Variants in ATRIP observed in about 807,000 individuals in gnomAD.
The protein encoded by ATRIP is ATR interacting protein, also known as ATR-interacting protein.
ATRIP carries 44 observed loss-of-function variants against 78.1 expected under a neutral mutation model. The ratio of observed to expected loss-of-function variants is 0.56; its 90% CI spans 0.44 to 0.72. The LOEUF is 0.72. Among genes scored for constraint, ATRIP ranks in the 30% least tolerant of loss-of-function variants. The probability of loss-of-function intolerance (pLI) is 0.00; values close to 1 mark genes in which losing one functional copy is unlikely to be tolerated. For missense variants in ATRIP, 927 were observed against 980.2 expected (o/e 0.95, Z 0.72); for synonymous variants, 388 against 408.9 (o/e 0.95, Z 0.62).
At position 48,464,014 on chromosome 3, in the gene ATRIP, G is replaced by C. The variant is rs2040194650; in HGVS notation, c.1883-27G>C. On this transcript the variant is annotated intron_variant, in intron 9 of 12. Transcript: ENST00000320211. ...CGCTCTTTATGAGAAAGGGCACCCTGAGTGAGAGGTGCGCTGTCCTTTTCA... is the reference window on the plus strand; with the variant it reads ...CGCTCTTTATGAGAAAGGGCACCCTCAGTGAGAGGTGCGCTGTCCTTTTCA... 1.9e-6 allele frequency: 3 copies of C among 1,607,980 alleles called. No homozygotes were observed. The South Asian group carries it at 3.3e-5, about 18-fold the overall frequency.
Position 48,447,039 on chromosome 3 carries a change from C to T in ATRIP, c.194C>T (p.Thr65Ile), listed in dbSNP as rs757223539. 1.9e-6 allele frequency: 3 copies of T among 1,567,138 alleles called. No homozygotes were observed. The highest frequency in any genetic ancestry group is 1.7e-6 in the Non-Finnish European group (2 of 1,158,942). ...GCCGACGACCTGGAGGAGCTTGACA[C>T]CCTCGCGTCACAGGCCCTGAGCCAA... ...FTADDLEELD[T>I]LASQALSQCP... The change falls in exon 1 of 13, where the codon ACC becomes ATC. Residue 65 changes from threonine to isoleucine, a missense_variant. Physicochemically the swap from Thr to Ile is moderately conservative, Grantham distance 89. Transcript: ENST00000320211.
At chr3:48,453,875 G>A (rs2039891833) in intron 3 of ATRIP, among the ~76,000 whole-genome samples, 1 of 152,052 alleles carries the variant, frequency 6.6e-6, no homozygotes, top group African/African-American at 2.4e-5. Context: ...AATAAGTTAG[G>A]ATTCAAAGAC....
At position 48,446,979 on chromosome 3, in the gene ATRIP, C is replaced by T. The variant is rs2039692511; in HGVS notation, c.134C>T (p.Pro45Leu). The T allele has an allele frequency of 1.3e-6, 2 of 1,573,518 alleles. No homozygotes were observed. Among genetic ancestry groups the T allele is most frequent in the Non-Finnish European group, 1.7e-6 (2 of 1,163,274 alleles). The change falls in exon 1 of 13, where the codon CCT becomes CTT. Residue 45 changes from proline to leucine, a missense_variant. Transcript: ENST00000320211. ...TTCTCCGCAGCCGCTGCCCCGGACC[C>T]TGACGACCCGTTCGGCGCGCATGGG... ...RGFSAAAAPD[P>L]DDPFGAHGDF...
At position 48,465,062 on chromosome 3, in the gene ATRIP, C is replaced by G; in HGVS notation, c.2287C>G (p.Pro763Ala). 1 of 1,611,948 alleles carries G rather than the reference C, an allele frequency of 6.2e-7. No individual in the cohort carries two copies. Among genetic ancestry groups the G allele is most frequent in the South Asian group, 1.1e-5 (1 of 91,030 alleles). Reference protein sequence around the residue: ...PGVSMLIRGLPDVTDCEEAAL... With the variant: ...PGVSMLIRGLADVTDCEEAAL... ...GGTCAGCATGCTCATCCGAGGGCTT[C>G]CTGATGTGACGGACTGTGAAGGTAA... is the stretch of plus-strand genomic sequence containing the variant. Residue 763 changes from proline to alanine, a missense_variant, in exon 12 of 13, where the codon CCT becomes GCT. Physicochemically the swap from Pro to Ala is conservative, Grantham distance 27. Coordinates refer to ENST00000320211, the MANE Select transcript of ATRIP (RefSeq NM_130384.3).
In ATRIP at chr3:48,466,440, G is replaced by GC. The variant is rs1480698351; in HGVS notation, c.*887dup. 1 of 1,612,782 alleles carries GC rather than the reference G, an allele frequency of 6.2e-7. No individual in the cohort carries two copies. The highest frequency in any genetic ancestry group is 8.5e-7 in the Non-Finnish European group (1 of 1,179,660). ...GAGACCCTCTCAGACAGTCGAATGTGCTGGTCCCACTAAGGAAACCACCTC... is the reference window on the plus strand; with the variant it reads ...GAGACCCTCTCAGACAGTCGAATGTGCCTGGTCCCACTAAGGAAACCACCTC... On this transcript the variant is annotated 3_prime_UTR_variant, in exon 13 of 13. Coordinates refer to ENST00000320211, the MANE Select transcript of ATRIP (RefSeq NM_130384.3).
At chr3:48,463,934 G>A (rs2040191719) in intron 9 of ATRIP, 53 bp downstream of exon 9, 2 of 1,607,454 alleles carry the variant, frequency 1.2e-6, no homozygotes, top group Admixed American at 1.7e-5. Context: ...CAAGGGAAGG[G>A]TTGGGGTGGG....
In ATRIP at chr3:48,451,910, G is replaced by A; in HGVS notation, c.552+11G>A. 1 of 1,588,850 alleles carries A rather than the reference G, an allele frequency of 6.3e-7. No individual in the cohort carries two copies. The highest frequency in any genetic ancestry group is 8.6e-7 in the Non-Finnish European group (1 of 1,165,380). Reference sequence around the variant, plus strand: ...GAATTCTCCAAAAAGGTGACCCAGAGCATTTGTTTTGCACCAGCTTTGCCT... The same window carrying A: ...GAATTCTCCAAAAAGGTGACCCAGAACATTTGTTTTGCACCAGCTTTGCCT... On this transcript the variant is annotated intron_variant, in intron 3 of 12. Transcript: ENST00000320211.
In ATRIP at chr3:48,447,077, G is replaced by A; in HGVS notation, c.232G>A (p.Ala78Thr). The A allele has an allele frequency of 6.4e-7, 1 of 1,557,788 alleles. No individual in the cohort carries two copies. Among genetic ancestry groups the A allele is most frequent in the Non-Finnish European group, 8.7e-7 (1 of 1,155,378 alleles). The stretch of plus-strand genomic sequence containing the variant: ...GGCCCTGAGCCAATGTCCGGCCGCG[G>A]CTCGGGACGTGTCCAGTGAGTGCTC... ...SQALSQCPAA[A>T]RDVSSDHKVH... The change falls in exon 1 of 13, where the codon GCT (alanine) becomes ACT (threonine). Residue 78 changes from alanine to threonine, a missense_variant. Transcript: ENST00000320211.
At chr3:48,459,214 A>G in intron 5 of ATRIP, 145 bp from the exon 6 acceptor site, 1 of 615,408 alleles carries the variant, frequency 1.6e-6, no homozygotes, top group Non-Finnish European at 2.9e-6. Flanking sequence ...TAAAAGATGC[A>G]GGGCTCTTGA....
At chr3:48,462,669 C>G (rs527531315) in intron 8 of ATRIP, among the ~76,000 whole-genome samples, 7 of 152,202 alleles carry the variant, frequency 4.6e-5, no homozygotes, top group East Asian at 1.9e-4. Context: ...CGCCACTGCA[C>G]TCCAGCCTGG....
Position 48,446,928 on chromosome 3 carries a change from AC to A in ATRIP, c.89del (p.Pro30ArgfsTer42). ...PRPGPPPGTG[H>X]PPSKRARGFS... is the part of the protein sequence containing the mutation. ...CCCGGCCCGCCGCCGGGCACCGGGC[AC>A]CCCCCGAGCAAGCGGGCCCGGGGCT... is the stretch of plus-strand genomic sequence containing the variant. On this transcript the variant is annotated frameshift_variant, in exon 1 of 13. Transcript: ENST00000320211. LOFTEE classifies it high-confidence loss of function. 5 of 1,428,936 alleles carry A rather than the reference AC, an allele frequency of 3.5e-6. No homozygotes were observed. Among genetic ancestry groups the A allele is most frequent in the Non-Finnish European group, 3.7e-6 (4 of 1,092,540 alleles). 88.5% of individuals were successfully genotyped at this position (1,428,936 alleles called of 1,614,324 possible).
In ATRIP at chr3:48,450,284, G is replaced by C. The variant is rs182238067; in HGVS notation, c.381+114G>C. On this transcript the variant is annotated intron_variant, in intron 2 of 12. Coordinates refer to ENST00000320211, the MANE Select transcript of ATRIP (RefSeq NM_130384.3). ...AACAAGTGTCTAGATTCATCCCTATGACATGGGAAAAGACTAGGGAAAGAA... is the reference window on the plus strand; with the variant it reads ...AACAAGTGTCTAGATTCATCCCTATCACATGGGAAAAGACTAGGGAAAGAA... 4.5e-6 allele frequency: 6 copies of C among 1,326,060 alleles called. No homozygotes were observed. The African/African-American group carries it at 7.4e-5, about 16-fold the overall frequency. The allele number at this position is 1,326,060 out of a possible 1,614,324, so 82.1% of individuals were successfully genotyped here.
chr3:48,466,397 C>A lies in ATRIP; in HGVS notation c.*843C>A, dbSNP rs969566857. 2.0e-5 allele frequency: 32 copies of A among 1,569,164 alleles called. No homozygotes were observed. The highest frequency in any genetic ancestry group is 6.8e-5 in the African/African-American group (5 of 73,818). ...GACTAAGGGGGCACTAGGGGAGGGG[C>A]CGAGTCATGTGAAGAGGGAGACCCT... On this transcript the variant is annotated 3_prime_UTR_variant, in exon 13 of 13. Transcript: ENST00000320211.
intron 4 of ATRIP, among the ~76,000 whole-genome samples, chr3:48,455,116 G>A (rs2039924245): frequency 6.6e-6 from 1 of 152,154 alleles, no homozygotes; most frequent in Admixed American, 6.5e-5. Context: ...GCCAGCCTGG[G>A]CCTCCCAAAC....
Position 48,460,615 on chromosome 3 carries a change from G to A in ATRIP, c.1561G>A (p.Asp521Asn), listed in dbSNP as rs1234529513. ...CCTGGTTCACAGGCTTAGTGATGGA[G>A]ATATGACCTCAGCCCTAAGGGGGGT... The part of the protein sequence containing the change: ...RSLVHRLSDG[D>N]MTSALRGVAD... Residue 521 changes from aspartate to asparagine, a missense_variant, in exon 8 of 13, where the codon GAT (aspartate) becomes AAT (asparagine). Transcript: ENST00000320211. 1.2e-6 allele frequency: 2 copies of A among 1,614,086 alleles called. No individual in the cohort carries two copies. Among genetic ancestry groups the A allele is most frequent in the Non-Finnish European group, 1.7e-6 (2 of 1,180,040 alleles).
In ATRIP at chr3:48,467,069, G is replaced by A. The variant is rs768850552; in HGVS notation, c.*1515G>A. ...ACTTCCCCCTGCTCCAAGCAGAGCT[G>A]GCTATGCTGGGCCTCACCAGTGCTC... On this transcript the variant is annotated 3_prime_UTR_variant, in exon 13 of 13. Coordinates refer to ENST00000320211, the MANE Select transcript of ATRIP (RefSeq NM_130384.3). The A allele has an allele frequency of 1.2e-6, 2 of 1,613,964 alleles. No homozygotes were observed. Among genetic ancestry groups the A allele is most frequent in the South Asian group, 2.2e-5 (2 of 91,092 alleles).
Position 48,463,886 on chromosome 3 carries a change from A to G in ATRIP, c.1882+5A>G. On this transcript the variant is annotated splice_donor_5th_base_variant and intron_variant, in intron 9 of 12. Transcript: ENST00000320211. ...CTCAGCTCTGTTCCCACTCAGGTAA[A>G]GCAGGGTGGGGCGGGCGTCTAGACT... 6.2e-7 allele frequency: 1 copy of G among 1,614,046 alleles called. No individual in the cohort carries two copies.
chr3:48,460,512 G>A lies in ATRIP; in HGVS notation c.1458G>A (p.Val486=), dbSNP rs776331174. ...VTALSILQHL[V]CHSGAVVSLL... is the part of the protein sequence containing the mutation. ...CACTTAGCATTCTTCAGCACCTGGT[G>A]TGCCACAGCGGAGCAGTCGTCTCCC... The change falls in exon 8 of 13, where the codon GTG becomes GTA. Residue 486 remains valine (V), a synonymous_variant. Transcript: ENST00000320211. The A allele has an allele frequency of 5.6e-6, 9 of 1,613,398 alleles. No individual in the cohort carries two copies. Among genetic ancestry groups the A allele is most frequent in the South Asian group, 3.3e-5 (3 of 90,962 alleles).
intron 8 of ATRIP, among the ~76,000 whole-genome samples, chr3:48,463,094 C>G (rs1160562696): frequency 1.3e-5 from 2 of 152,212 alleles, no homozygotes; most frequent in Non-Finnish European, 2.9e-5. Flanking sequence ...ACCCACCAGG[C>G]CAGTCCATCG....
Sources: allele counts gnomAD v4.1 joint callset (sites outside exome capture counted in the v4.1 genomes callset), GRCh38; gene constraint gnomAD v4.1.1; transcripts MANE v1.5; gene names NCBI Gene and HGNC (gene_info 2026-07-23, HGNC 2026-07-21).